The following ARID2 variants were observed in gnomAD, a reference collection of about 807,000 sequenced individuals.
The protein encoded by ARID2 is AT-rich interaction domain 2, also known as AT-rich interactive domain-containing protein 2.
In ARID2, 32 loss-of-function variants were observed where a neutral mutation model predicts 184.6. That is an observed-to-expected ratio of 0.17 (90% confidence interval 0.13 to 0.23). The LOEUF (loss-of-function observed/expected upper bound fraction) is 0.23. ARID2 is among the 10% of genes least tolerant of loss of function. The pLI is 1.00. For synonymous variants in ARID2, 836 were observed against 772.6 expected, an observed-to-expected ratio of 1.08 and a Z score of -1.36; for missense variants, 1,696 against 2,197.6, an observed-to-expected ratio of 0.77 and a Z score of 4.56.
At chr12:45,730,201 C>T in intron 2 of ARID2, 64 bp downstream of exon 2, 3 of 1,549,714 alleles carry the variant, frequency 1.9e-6, no homozygotes, top group African/African-American at 1.4e-5. Context: ...CTCCTTTGAC[C>T]CCGGAGTGGG....
chr12:45,863,540 T>C (rs992191793), intron 16 of ARID2, among the ~76,000 whole-genome samples: 1 of 152,114 alleles, frequency 6.6e-6, no homozygotes, highest in African/African-American at 2.4e-5. Flanking sequence ...TGAGCTATGA[T>C]TGCATCATTG....
At chr12:45,856,062 C>CT (rs1943641717) in intron 15 of ARID2, among the ~76,000 whole-genome samples, 1 of 108,630 alleles carries the variant, frequency 9.2e-6, no homozygotes, top group Non-Finnish European at 2.0e-5. Context: ...TTTCTTTCTT[C>CT]TTTTCTTTTT....
intron 11 of ARID2, chr12:45,840,504 T>A (rs1452028839): frequency 6.6e-6 from 1 of 152,172 alleles, no homozygotes; most frequent in African/African-American, 2.4e-5. Flanking sequence ...TTCCCATATC[T>A]TAAATCTCTT....
At chr12:45,833,491 C>T (rs1435062418) in intron 6 of ARID2, among the ~76,000 whole-genome samples, 2 of 152,014 alleles carry the variant, frequency 1.3e-5, no homozygotes, top group African/African-American at 4.8e-5. Context: ...TATGGGTCCT[C>T]ATTTCTTTGT....
intron 16 of ARID2, among the ~76,000 whole-genome samples, chr12:45,877,400 C>G (rs895942808): frequency 1.3e-5 from 2 of 151,792 alleles, no homozygotes; most frequent in African/African-American, 4.8e-5. Flanking sequence ...CTTATGAGAA[C>G]CTAATGCCTG....
intron 3 of ARID2, among the ~76,000 whole-genome samples, chr12:45,765,250 C>T (rs1431513716): frequency 6.6e-6 from 1 of 152,098 alleles, no homozygotes; most frequent in African/African-American, 2.4e-5. Flanking sequence ...CTCTGTCACA[C>T]AGGCTGGAGT....
chr12:45,805,226 T>G (rs1942578851), intron 3 of ARID2, among the ~76,000 whole-genome samples: 1 of 152,058 alleles, frequency 6.6e-6, no homozygotes, highest in African/African-American at 2.4e-5. Context: ...CTATGGTGAT[T>G]TTGAAAGTAA....
intron 6 of ARID2, among the ~76,000 whole-genome samples, chr12:45,831,569 T>C (rs1432228090): frequency 6.6e-6 from 1 of 152,152 alleles, no homozygotes; most frequent in Non-Finnish European, 1.5e-5. Flanking sequence ...ATACTATAAA[T>C]TATTGTAGTC....
intron 8 of ARID2, 116 bp downstream of exon 8, chr12:45,837,107 T>C (rs1943233197): frequency 1.5e-6 from 2 of 1,333,382 alleles, no homozygotes; most frequent in South Asian, 3.0e-5. Flanking sequence ...TGCTTACATG[T>C]ATTAGTTGCT....
intron 20 of ARID2, among the ~76,000 whole-genome samples, chr12:45,899,297 AG>A (rs1472657782): frequency 6.4e-5 from 9 of 140,268 alleles, no homozygotes; most frequent in African/African-American, 2.3e-4. Flanking sequence ...AAAAAAAAAA[AG>A]TAAGTGCTAC....
intron 6 of ARID2, among the ~76,000 whole-genome samples, chr12:45,835,204 T>C (rs1943196174): frequency 6.6e-6 from 1 of 152,192 alleles, no homozygotes; most frequent in South Asian, 2.1e-4. Context: ...TTCTTTTTAG[T>C]TCTTTCATAT....
At chr12:45,879,354 C>T (rs552010863) in intron 16 of ARID2, among the ~76,000 whole-genome samples, 1 of 152,250 alleles carries the variant, frequency 6.6e-6, no homozygotes, top group African/African-American at 2.4e-5. Context: ...GAAATGTTTA[C>T]TCACCCCCTT....
At chr12:45,791,061 G>A (rs529872461) in intron 3 of ARID2, among the ~76,000 whole-genome samples, 1 of 152,268 alleles carries the variant, frequency 6.6e-6, no homozygotes, top group South Asian at 2.1e-4. Context: ...ACCCACAAGT[G>A]AAATTGGTGG....
chr12:45,828,890 GA>G (rs1335450533), intron 6 of ARID2, among the ~76,000 whole-genome samples: 2 of 151,682 alleles, frequency 1.3e-5, no homozygotes, highest in Non-Finnish European at 2.9e-5. Context: ...TTTCATTCTT[GA>G]ATGGTGTCTT....
At chr12:45,768,814 ATTT>A (rs1941817981) in intron 3 of ARID2, among the ~76,000 whole-genome samples, 1 of 152,132 alleles carries the variant, frequency 6.6e-6, no homozygotes, top group Non-Finnish European at 1.5e-5. Context: ...CTGTGAAGCA[ATTT>A]ATGCTTCAGC....
intron 3 of ARID2, among the ~76,000 whole-genome samples, chr12:45,744,824 C>CAAATATTCTT: frequency 2.0e-5 from 3 of 152,072 alleles, no homozygotes; most frequent in Non-Finnish European, 4.4e-5. Flanking sequence ...TTCATCAATG[C>CAAATATTCTT]TAAATTAAAT....
intron 3 of ARID2, among the ~76,000 whole-genome samples, chr12:45,801,260 C>T (rs1001574616): frequency 8.6e-5 from 13 of 150,402 alleles, no homozygotes; most frequent in African/African-American, 2.7e-4. Flanking sequence ...TGCAGTGAGC[C>T]GAGATAGCGC....
intron 11 of ARID2, among the ~76,000 whole-genome samples, chr12:45,845,835 A>T (rs896997201): frequency 1.3e-5 from 2 of 152,196 alleles, no homozygotes; most frequent in African/African-American, 4.8e-5. Flanking sequence ...TGTGTGCTTA[A>T]AAACTACATT....
At chr12:45,790,489 G>C (rs1159454163) in intron 3 of ARID2, among the ~76,000 whole-genome samples, 1 of 151,982 alleles carries the variant, frequency 6.6e-6, no homozygotes, top group Non-Finnish European at 1.5e-5. Flanking sequence ...GGTTCTCTCA[G>C]TACTGTTTTA....
Sources: allele counts gnomAD v4.1 joint callset (sites outside exome capture counted in the v4.1 genomes callset), GRCh38; gene constraint gnomAD v4.1.1; transcripts MANE v1.5; gene names NCBI Gene and HGNC (gene_info 2026-07-23, HGNC 2026-07-21).